Variants in CFAP20DC observed in about 807,000 individuals in gnomAD.
The protein encoded by CFAP20DC is protein CFAP20DC.
In CFAP20DC, 84 loss-of-function variants were observed where a neutral mutation model predicts 101.7. The observed-to-expected ratio is 0.83, with a 90% CI of 0.69 to 0.99. The LOEUF (loss-of-function observed/expected upper bound fraction) is 0.99. Ranked by LOEUF, CFAP20DC falls within the 50% of genes least tolerant of loss-of-function variation. The pLI, the probability that CFAP20DC is intolerant of heterozygous loss-of-function variation, is 0.00. For missense variants in CFAP20DC, 1,007 were observed against 970.3 expected, an observed-to-expected ratio of 1.04 and a Z score of -0.50; for synonymous variants, 359 against 351.2, an observed-to-expected ratio of 1.02 and a Z score of -0.25.
At chr3:58,731,744 T>A (rs1365732259) in intron 3 of CFAP20DC, among the ~76,000 whole-genome samples, 1 of 152,182 alleles carries the variant, frequency 6.6e-6, no homozygotes, top group Non-Finnish European at 1.5e-5. Flanking sequence ...GTACAGCAGA[T>A]AAACAGAACA....
intron 16 of CFAP20DC, among the ~76,000 whole-genome samples, chr3:58,747,944 T>G (rs979104939): frequency 1.3e-5 from 2 of 152,196 alleles, no homozygotes; most frequent in Admixed American, 6.5e-5. Context: ...TATATTGTTT[T>G]TGAAAGGTAA....
intron 14 of CFAP20DC, among the ~76,000 whole-genome samples, chr3:58,815,722 A>T (rs1302762007): frequency 6.6e-6 from 1 of 151,012 alleles, no homozygotes; most frequent in Non-Finnish European, 1.5e-5. Context: ...CACTTCTCAA[A>T]AGAAGACATT....
chr3:58,773,812 T>C (rs189317089), intron 15 of CFAP20DC, among the ~76,000 whole-genome samples: 1 of 152,370 alleles, frequency 6.6e-6, no homozygotes, highest in East Asian at 1.9e-4. Context: ...ATGTCAGTTC[T>C]GTCTATTCAA....
At chr3:58,741,680 T>TA (rs972298932), downstream of CFAP20DC, among the ~76,000 whole-genome samples, 13 of 152,004 alleles carry the variant, frequency 8.6e-5, no homozygotes, top group African/African-American at 2.9e-4. Context: ...GTATTTTTAG[T>TA]AGAGATGGGG....
intron 5 of CFAP20DC, among the ~76,000 whole-genome samples, chr3:58,925,645 T>G (rs2085876345): frequency 6.6e-6 from 1 of 152,236 alleles, no homozygotes; most frequent in African/African-American, 2.4e-5. Flanking sequence ...GACTGAGCAC[T>G]TACTATGAGT....
chr3:58,938,114 T>C (rs2087965520), intron 4 of CFAP20DC, among the ~76,000 whole-genome samples: 1 of 152,218 alleles, frequency 6.6e-6, no homozygotes, highest in Non-Finnish European at 1.5e-5. Flanking sequence ...TTGTGTTATC[T>C]TGGGACATAC....
Position 58,861,609 on chromosome 3 carries a change from A to G in CFAP20DC, c.1593+1949T>C. 1 of 985,448 alleles carries G rather than the reference A, an allele frequency of 1.0e-6. No individual in the cohort carries two copies. Among genetic ancestry groups the G allele is most frequent in the South Asian group, 4.7e-5 (1 of 21,292 alleles). 61.0% of individuals were successfully genotyped at this position (985,448 alleles called of 1,614,324 possible). A position where few individuals can be genotyped will look rare whatever the true frequency, so the allele number is the denominator to read the frequency against. Reference sequence around the variant, plus strand: ...AAAACTTGTTTAAATATAGCCTAGCATTTTTGTTGGTCCTATTTTTGTATC... The same window carrying G: ...AAAACTTGTTTAAATATAGCCTAGCGTTTTTGTTGGTCCTATTTTTGTATC... On this transcript the variant is annotated intron_variant, in intron 12 of 16. Coordinates refer to ENST00000482387, the MANE Select transcript of CFAP20DC (RefSeq NM_001394063.1). The surrounding 1 kb of genome is among the most constrained non-coding windows in gnomAD (Gnocchi z 4.0).
At position 58,816,537 on chromosome 3, in the gene CFAP20DC, T is replaced by A. The variant is rs535930185; in HGVS notation, c.2176-10081A>T. 5.8e-4 allele frequency among the ~76,000 whole-genome samples: 89 copies of A among 152,190 alleles called. 1 individual carries two copies. In the South Asian group the frequency reaches 7.3e-3, roughly 12 times the overall value. ...GTCAAAGAAAGGGGTGACGGACGCA[T>A]CTGGAAAATCGGGTGACTCCCACCC... On this transcript the variant is annotated intron_variant, in intron 14 of 16. Coordinates refer to ENST00000482387, the MANE Select transcript of CFAP20DC (RefSeq NM_001394063.1).
chr3:58,854,051 G>A (rs2078520261), intron 12 of CFAP20DC, among the ~76,000 whole-genome samples: 1 of 152,118 alleles, frequency 6.6e-6, no homozygotes, highest in African/African-American at 2.4e-5. Flanking sequence ...AATTGTCCCT[G>A]TTTGCAGACG....
At chr3:58,791,919 T>C (rs1386064978) in intron 15 of CFAP20DC, among the ~76,000 whole-genome samples, 1 of 152,136 alleles carries the variant, frequency 6.6e-6, no homozygotes, top group African/African-American at 2.4e-5. Context: ...TTGGCTAGAA[T>C]TAGTTGGGTT....
intron 4 of CFAP20DC, among the ~76,000 whole-genome samples, chr3:58,946,904 C>G (rs1247711697): frequency 6.6e-6 from 1 of 152,158 alleles, no homozygotes; most frequent in Non-Finnish European, 1.5e-5. Flanking sequence ...ACCATTTTAC[C>G]TGTGTTATCT....
At chr3:59,019,960 A>AT (rs1156545366) in intron 4 of CFAP20DC, among the ~76,000 whole-genome samples, 2 of 152,104 alleles carry the variant, frequency 1.3e-5, no homozygotes, top group East Asian at 3.9e-4. Context: ...ATCACAACAG[A>AT]TTGAATTAGA....
At chr3:58,753,888 G>C in intron 15 of CFAP20DC, 25 bp from the exon 16 acceptor site, 1 of 1,485,232 alleles carries the variant, frequency 6.7e-7, no homozygotes, top group South Asian at 1.2e-5. Flanking sequence ...AAGTGAATGA[G>C]CATGTCTGGA....
At chr3:58,809,819 GA>G (rs1183669344) in intron 14 of CFAP20DC, among the ~76,000 whole-genome samples, 3 of 151,486 alleles carry the variant, frequency 2.0e-5, no homozygotes, top group African/African-American at 4.8e-5. Flanking sequence ...GACTAATAAA[GA>G]AAAAAAGAGA....
At chr3:58,808,429 A>G (rs2074305150) in intron 14 of CFAP20DC, among the ~76,000 whole-genome samples, 1 of 152,236 alleles carries the variant, frequency 6.6e-6, no homozygotes, top group Admixed American at 6.5e-5. Flanking sequence ...TAAAGAAAAG[A>G]ATTTTCAACC....
chr3:58,869,477 A>T lies in CFAP20DC; in HGVS notation c.866T>A (p.Val289Asp). 1 of 1,610,060 alleles carries T rather than the reference A, an allele frequency of 6.2e-7. No homozygotes were observed. Residue 289 changes from valine (V) to aspartate (D), a missense_variant, in exon 9 of 17, where the codon GTT (valine) becomes GAT (aspartate). Transcript: ENST00000482387. This position sits in a 1 kb window ranked among gnomAD's most constrained non-coding sequence, Gnocchi z 4.3. ...MKISSETVRS[V>D]GSKNNRSCQP... ...GCATGATCGGTTATTTTTGGACCCA[A>T]CGGATCTCACTGTCTGTAAAGGAAT...
chr3:58,846,667 T>C (rs1293703553), intron 13 of CFAP20DC, among the ~76,000 whole-genome samples: 1 of 151,824 alleles, frequency 6.6e-6, no homozygotes, highest in Non-Finnish European at 1.5e-5. Flanking sequence ...AAAACCACTT[T>C]AAAGTTTATA....
At chr3:58,838,354 A>C (rs577773370) in intron 13 of CFAP20DC, among the ~76,000 whole-genome samples, 3 of 152,306 alleles carry the variant, frequency 2.0e-5, no homozygotes, top group Admixed American at 1.3e-4. Flanking sequence ...ACCAGACTTG[A>C]TGCTGCCTTT....
intron 14 of CFAP20DC, among the ~76,000 whole-genome samples, chr3:58,809,690 CAT>C (rs2074435546): frequency 6.6e-6 from 1 of 151,858 alleles, no homozygotes; most frequent in African/African-American, 2.4e-5. Flanking sequence ...GAAGGCAAGA[CAT>C]AACTAAAATC....
Sources: gnomAD v4.1 joint callset for allele counts (sites outside exome capture counted in the v4.1 genomes callset) on GRCh38, gnomAD v4.1.1 for gene constraint, Gnocchi (gnomAD v3.1) non-coding constraint, MANE v1.5 for transcripts, NCBI Gene and HGNC (gene_info 2026-07-23, HGNC 2026-07-21) for gene names.